The following ABLIM1 variants were observed in gnomAD, a reference collection of about 807,000 sequenced individuals.
ABLIM1 encodes actin binding LIM protein 1, also known as actin-binding LIM protein 1.
ABLIM1 carries 40 observed loss-of-function variants against 107.0 expected under a neutral mutation model. That is an observed-to-expected ratio of 0.37 (90% CI 0.29 to 0.49). The LOEUF (loss-of-function observed/expected upper bound fraction) is 0.49, where lower values mean the gene tolerates loss of function less well. Among genes scored for constraint, ABLIM1 ranks in the 20% least tolerant of loss-of-function variants. ABLIM1 has a pLI of 0.97. For synonymous variants in ABLIM1, 357 were observed against 357.3 expected, an observed-to-expected ratio of 1.00 and a Z score of 0.01; for missense variants, 857 against 1,008.5, an observed-to-expected ratio of 0.85 and a Z score of 2.04.
chr10:114,736,200 C>A (rs1274884732), intron 1 of ABLIM1, among the ~76,000 whole-genome samples: 1 of 152,168 alleles, frequency 6.6e-6, no homozygotes, highest in African/African-American at 2.4e-5. Context: ...TTGAAGTCCA[C>A]TATTATACCA....
the ABLIM1 span, among the ~76,000 whole-genome samples, chr10:114,783,275 AAAATAAAT>A: frequency 3.3e-5 from 5 of 151,508 alleles, no homozygotes; most frequent in East Asian, 9.6e-4. Context: ...CTCCGTCTCA[AAAATAAAT>A]AAATAAATAA....
upstream of ABLIM1, among the ~76,000 whole-genome samples, chr10:114,771,130 C>CTGTTTT (rs72179734): frequency 6.6e-6 from 1 of 151,390 alleles, no homozygotes. Flanking sequence ...CGCACCCGGC[C>CTGTTTT]TATTCTTTTA....
At chr10:114,480,557 C>T (rs775729724) in intron 8 of ABLIM1, among the ~76,000 whole-genome samples, 1 of 152,188 alleles carries the variant, frequency 6.6e-6, no homozygotes, top group Non-Finnish European at 1.5e-5. Context: ...CTGATGCCAT[C>T]TTTGGCATGG....
chr10:114,601,955 T>C lies in ABLIM1; in HGVS notation c.251A>G (p.His84Arg). Reference sequence around the variant, plus strand: ...TGATGGGTGGTGAGGGTCCTGAGGGTGGGCCACTGAAAGAAAATCAACAAA... The same window carrying C: ...TGATGGGTGGTGAGGGTCCTGAGGGCGGGCCACTGAAAGAAAATCAACAAA... Reference protein sequence around the residue: ...VCNSVDPFVAHPQDPHHPSEK... With the variant: ...VCNSVDPFVARPQDPHHPSEK... The change falls in exon 2 of 23, where the codon CAC (histidine) becomes CGC (arginine). Residue 84 changes from histidine (H) to arginine (R), a missense_variant. Coordinates refer to ENST00000533213, the MANE Select transcript of ABLIM1 (RefSeq NM_002313.7). 6.2e-7 allele frequency: 1 copy of C among 1,613,792 alleles called. No homozygotes were observed. Among genetic ancestry groups the C allele is most frequent in the Non-Finnish European group, 8.5e-7 (1 of 1,179,758 alleles).
At chr10:114,793,549 T>C in the ABLIM1 span, among the ~76,000 whole-genome samples, 2 of 152,226 alleles carry the variant, frequency 1.3e-5, no homozygotes, top group Non-Finnish European at 2.9e-5. Context: ...TGCTGCACTT[T>C]ATGCTGATAG....
chr10:114,681,914 A>T (rs1362022257), intron 1 of ABLIM1, among the ~76,000 whole-genome samples: 1 of 152,186 alleles, frequency 6.6e-6, no homozygotes, highest in Non-Finnish European at 1.5e-5. Flanking sequence ...GGCAGCGCTC[A>T]TTTGCAGTGG....
At chr10:114,794,417 C>T in the ABLIM1 span, among the ~76,000 whole-genome samples, 1 of 152,158 alleles carries the variant, frequency 6.6e-6, no homozygotes, top group Admixed American at 6.5e-5. Flanking sequence ...AATAAGTACT[C>T]AGTAAGTTTT....
At chr10:114,776,003 A>T in the ABLIM1 span, 1 of 152,196 alleles carries the variant, frequency 6.6e-6, no homozygotes. Flanking sequence ...CAGTGGACAT[A>T]ACGTGGCATA....
chr10:114,493,306 A>C lies in ABLIM1; in HGVS notation c.895-1428T>G, dbSNP rs2135202819. The stretch of plus-strand genomic sequence containing the variant: ...AGTCCGGGCAATCTCTGGACTCTTA[A>C]GGAAAATGTTAAGTGAAAAAATAAA... On this transcript the variant is annotated intron_variant, in intron 6 of 22. Coordinates refer to ENST00000533213, the MANE Select transcript of ABLIM1 (RefSeq NM_002313.7). Among the ~76,000 whole-genome samples, 2 of 152,350 alleles carry C rather than the reference A, an allele frequency of 1.3e-5. 1 individual carries two copies. The highest frequency in any genetic ancestry group is 4.1e-4 in the South Asian group (2 of 4,820).
chr10:114,615,542 T>C (rs1467563855), intron 1 of ABLIM1: 1 of 466,466 alleles, frequency 2.1e-6, no homozygotes, highest in Non-Finnish European at 4.3e-6. Flanking sequence ...ATCTTCTCCA[T>C]TACAAGGTAA....
intron 1 of ABLIM1, among the ~76,000 whole-genome samples, chr10:114,676,875 A>G (rs1468586320): frequency 6.6e-6 from 1 of 152,094 alleles, no homozygotes; most frequent in Admixed American, 6.5e-5. Flanking sequence ...AGCTGGGAGT[A>G]CAGGCGTGCA....
intron 4 of ABLIM1, among the ~76,000 whole-genome samples, chr10:114,552,641 A>G (rs978218346): frequency 6.6e-6 from 1 of 152,224 alleles, no homozygotes; most frequent in Non-Finnish European, 1.5e-5. Context: ...TTCCAAATTG[A>G]TATCATTTTG....
At chr10:114,699,104 CAAAAAA>C (rs11344931) in intron 1 of ABLIM1, among the ~76,000 whole-genome samples, 1 of 115,254 alleles carries the variant, frequency 8.7e-6, no homozygotes, top group Non-Finnish European at 1.8e-5. Flanking sequence ...TTTTGCTTAG[CAAAAAA>C]AAAAAAAAAA....
At chr10:114,751,983 A>G (rs142057019) in intron 1 of ABLIM1, among the ~76,000 whole-genome samples, 49 of 152,284 alleles carry the variant, frequency 3.2e-4, no homozygotes, top group African/African-American at 1.1e-3. Flanking sequence ...CCTTCGAGCC[A>G]TGAATTAGGA....
chr10:114,546,297 C>CT (rs373431588), intron 5 of ABLIM1, among the ~76,000 whole-genome samples: 26,099 of 139,012 alleles, frequency 0.19, 2,727 homozygotes, highest in Middle Eastern at 0.3. Flanking sequence ...TCTTTTCTTT[C>CT]TTTTTTTTTT....
intron 1 of ABLIM1, among the ~76,000 whole-genome samples, chr10:114,694,060 G>A (rs2081145408): frequency 6.6e-6 from 1 of 152,116 alleles, no homozygotes; most frequent in Admixed American, 6.6e-5. Flanking sequence ...ATATTCTGAA[G>A]TTTTCAGAAG....
In ABLIM1 at chr10:114,478,637, T is replaced by C. The variant is rs112871408; in HGVS notation, c.1042-4681A>G. 6.8e-3 allele frequency among the ~76,000 whole-genome samples: 1,035 copies of C among 152,344 alleles called. 15 individuals are homozygous for C. Among genetic ancestry groups the C allele is most frequent in the African/African-American group, 0.024 (990 of 41,578 alleles). On this transcript the variant is annotated intron_variant, in intron 8 of 22. Coordinates refer to ENST00000533213, the MANE Select transcript of ABLIM1 (RefSeq NM_002313.7). ...TCCCCTTTGCCTTCTGCCATGATTG[T>C]TAAGATTCCTGAGGCCTTCCCAGCC...
At position 114,547,754 on chromosome 10, in the gene ABLIM1, A is replaced by C; in HGVS notation, c.696T>G (p.Asp232Glu). The C allele has an allele frequency of 1.2e-6, 2 of 1,611,026 alleles. No homozygotes were observed. Among genetic ancestry groups the C allele is most frequent in the Non-Finnish European group, 1.7e-6 (2 of 1,179,998 alleles). ...FSSNCAGCGR[D>E]IKNGQALLAL... Reference sequence around the variant, plus strand: ...CCAGCAGCGCCTGCCCATTCTTGATATCTCTTCCGCAGCCGGCACAATCTG... The same window carrying C: ...CCAGCAGCGCCTGCCCATTCTTGATCTCTCTTCCGCAGCCGGCACAATCTG... The change falls in exon 5 of 23, where the codon GAT (aspartate) becomes GAG (glutamate). Residue 232 changes from aspartate (D) to glutamate (E), a missense_variant. Physicochemically the swap from Asp to Glu is conservative, Grantham distance 45. Around this residue, in one of 5 missense-constraint regions of ABLIM1, gnomAD observed 381 missense variants for 506.9 expected, o/e 0.75. Coordinates refer to ENST00000533213, the MANE Select transcript of ABLIM1 (RefSeq NM_002313.7).
At chr10:114,635,380 G>C (rs1411819571) in intron 1 of ABLIM1, among the ~76,000 whole-genome samples, 1 of 152,246 alleles carries the variant, frequency 6.6e-6, no homozygotes, top group East Asian at 1.9e-4. Context: ...ACCCGGCAGA[G>C]TCCACTTCCT....
Sources: gnomAD v4.1 joint callset for allele counts (sites outside exome capture counted in the v4.1 genomes callset) on GRCh38, gnomAD v4.1.1 for gene constraint, gnomAD v4.1.1 regional missense constraint, MANE v1.5 for transcripts, NCBI Gene and HGNC (gene_info 2026-07-23, HGNC 2026-07-21) for gene names.